The following FRMPD4 variants were observed in gnomAD, a reference collection of about 807,000 sequenced individuals.
The protein encoded by FRMPD4 is FERM and PDZ domain containing 4.
A neutral mutation model predicts 94.1 loss-of-function variants in FRMPD4; 22 were observed. That is an observed-to-expected ratio of 0.23 (90% CI 0.17 to 0.33). The LOEUF is 0.33. FRMPD4 is among the 10% of genes least tolerant of loss of function. The pLI, the probability that FRMPD4 is intolerant of heterozygous loss-of-function variation, is 1.00. For synonymous variants in FRMPD4, 631 were observed against 548.6 expected, an observed-to-expected ratio of 1.15 and a Z score of -2.10; for missense variants, 1,111 against 1,339.9, an observed-to-expected ratio of 0.83 and a Z score of 2.67.
chrX:12,310,939 A>C (rs1379319795), intron 1 of FRMPD4, among the ~76,000 whole-genome samples: 3 of 112,572 alleles, frequency 2.7e-5, no homozygotes, highest in Non-Finnish European at 5.6e-5. Context: ...AAAAATTTTA[A>C]TCTGACTTTA....
At chrX:11,944,214 T>C (rs1235984268) in intron 3 of FRMPD4, among the ~76,000 whole-genome samples, 1 of 112,382 alleles carries the variant, frequency 8.9e-6, no homozygotes, top group Non-Finnish European at 1.9e-5. Flanking sequence ...TTTTAATGCT[T>C]TTATAGTCAT....
intron 2 of FRMPD4, among the ~76,000 whole-genome samples, chrX:12,542,001 C>T (rs1156551279): frequency 8.9e-6 from 1 of 112,159 alleles, no homozygotes; most frequent in Non-Finnish European, 1.9e-5. Context: ...ACATGATTAT[C>T]TCAATGGATG....
chrX:12,518,578 G>A (rs1242763674), intron 2 of FRMPD4, among the ~76,000 whole-genome samples: 1 of 111,495 alleles, frequency 9.0e-6, no homozygotes, highest in East Asian at 2.8e-4. Context: ...AAATAATAAA[G>A]GCTATCTATA....
chrX:12,410,137 A>G (rs1486283008), intron 1 of FRMPD4, among the ~76,000 whole-genome samples: 2 of 111,006 alleles, frequency 1.8e-5, no homozygotes, highest in South Asian at 7.7e-4. Context: ...CTGACACTTT[A>G]TCATCACTGA....
At chrX:12,205,553 A>G (rs1366164568) in intron 1 of FRMPD4, among the ~76,000 whole-genome samples, 1 of 111,852 alleles carries the variant, frequency 8.9e-6, no homozygotes, top group Admixed American at 9.5e-5. Context: ...TAAGAAAAAT[A>G]GTTTGATTCT....
intron 4 of FRMPD4, among the ~76,000 whole-genome samples, chrX:12,664,908 G>A (rs1031669595): frequency 1.8e-5 from 2 of 111,422 alleles, no homozygotes; most frequent in Non-Finnish European, 3.8e-5. Flanking sequence ...TCCGAGATTC[G>A]ACATCTTCCT....
chrX:12,111,801 C>A lies in FRMPD4; in HGVS notation c.95+233783C>A, dbSNP rs760905389. On this transcript the variant is annotated intron_variant, in intron 3 of 18. Coordinates refer to the FRMPD4 transcript ENST00000640291. ...CAAAAGAAGACATTTATGCAGCCAA[C>A]AGACACATGAAAAAATGCTCATCAT... Among the ~76,000 whole-genome samples the A allele has an allele frequency of 1.5e-3, 163 of 111,876 alleles. 1 individual carries two copies. The East Asian group carries it at 0.015, about 10-fold the overall frequency.
intron 3 of FRMPD4, among the ~76,000 whole-genome samples, chrX:11,906,911 C>G (rs906886521): frequency 9.0e-6 from 1 of 111,072 alleles, no homozygotes; most frequent in Non-Finnish European, 1.9e-5. Flanking sequence ...AAATTTTCCT[C>G]TCTGTTGTTC....
chrX:11,873,456 A>G (rs2053765797), intron 2 of FRMPD4, among the ~76,000 whole-genome samples: 1 of 111,303 alleles, frequency 9.0e-6, no homozygotes, highest in Admixed American at 9.5e-5. Context: ...TAACATTTAC[A>G]ATAACATCAA....
chrX:12,161,909 C>G (rs774760958), intron 1 of FRMPD4, among the ~76,000 whole-genome samples: 140 of 111,755 alleles, frequency 1.3e-3, no homozygotes, highest in Non-Finnish European at 1.9e-3. Context: ...TCACTACTAT[C>G]AAAGGAAATA....
intron 1 of FRMPD4, among the ~76,000 whole-genome samples, chrX:12,364,379 G>A (rs186252075): frequency 1.1e-4 from 12 of 111,397 alleles, no homozygotes; most frequent in South Asian, 3.9e-4. Context: ...TCATGGGAAG[G>A]AACAGGTAAG....
chrX:12,483,278 T>C (rs1414206248), intron 1 of FRMPD4, among the ~76,000 whole-genome samples: 2 of 111,871 alleles, frequency 1.8e-5, no homozygotes, highest in Non-Finnish European at 3.8e-5. Context: ...CCACTGTGAA[T>C]TGGGCTATAG....
At chrX:12,357,785 A>G (rs2055917082) in intron 1 of FRMPD4, among the ~76,000 whole-genome samples, 1 of 112,237 alleles carries the variant, frequency 8.9e-6, no homozygotes, top group Non-Finnish European at 1.9e-5. Flanking sequence ...TTTATGTACC[A>G]TGCACTCATT....
chrX:12,382,872 C>G (rs2056345242), intron 1 of FRMPD4, among the ~76,000 whole-genome samples: 1 of 112,346 alleles, frequency 8.9e-6, no homozygotes, highest in Non-Finnish European at 1.9e-5. Flanking sequence ...AATTGTCTAT[C>G]TTGTACACTG....
chrX:12,129,420 A>T (rs1231409179), intron 3 of FRMPD4, among the ~76,000 whole-genome samples: 1 of 111,385 alleles, frequency 9.0e-6, no homozygotes, highest in African/African-American at 3.3e-5. Flanking sequence ...GCATGGGGGT[A>T]ACTGCCCCCA....
intron 1 of FRMPD4, among the ~76,000 whole-genome samples, chrX:12,189,890 A>G (rs986551407): frequency 9.0e-6 from 1 of 111,624 alleles, no homozygotes; most frequent in Admixed American, 9.5e-5. Context: ...TGGCAATAAG[A>G]GAAAGAAAAG....
intron 4 of FRMPD4, among the ~76,000 whole-genome samples, chrX:12,620,390 C>G (rs971586127): frequency 1.2e-4 from 13 of 112,242 alleles, no homozygotes; most frequent in African/African-American, 3.9e-4. Flanking sequence ...TGAAGTAGCC[C>G]TATGACTCAT....
intron 1 of FRMPD4, among the ~76,000 whole-genome samples, chrX:12,140,341 A>G (rs1033964325): frequency 8.9e-6 from 1 of 112,617 alleles, no homozygotes; most frequent in African/African-American, 3.2e-5. Flanking sequence ...CCTGCAGATC[A>G]GAAGACTGAT....
intron 3 of FRMPD4, among the ~76,000 whole-genome samples, chrX:12,089,082 T>G (rs908686322): frequency 8.9e-6 from 1 of 112,459 alleles, no homozygotes; most frequent in Non-Finnish European, 1.9e-5. Context: ...CTGGCTTCCT[T>G]GACTCAATAT....
Sources: allele counts gnomAD v4.1 joint callset (sites outside exome capture counted in the v4.1 genomes callset), GRCh38; gene constraint gnomAD v4.1.1; transcripts MANE v1.5; gene names NCBI Gene and HGNC (gene_info 2026-07-23, HGNC 2026-07-21).